The following ETFDH variants were observed in gnomAD, a reference collection of about 807,000 sequenced individuals.
ETFDH encodes the protein electron transfer flavoprotein-ubiquinone oxidoreductase, mitochondrial.
In ETFDH, 61 loss-of-function variants were observed where a neutral mutation model predicts 73.2. The ratio of observed to expected loss-of-function variants is 0.83; its 90% CI spans 0.68 to 1.03. The LOEUF is 1.03. Ranked by LOEUF, ETFDH falls within the 50% of genes least tolerant of loss-of-function variation. The pLI is 0.00. For missense variants in ETFDH, 685 were observed against 745.0 expected, an observed-to-expected ratio of 0.92 and a Z score of 0.94; for synonymous variants, 243 against 253.3, an observed-to-expected ratio of 0.96 and a Z score of 0.39.
At chr4:158,680,400 T>C (rs1773819951) in intron 1 of ETFDH, 67 bp from the exon 2 acceptor site, 2 of 1,126,246 alleles carry the variant, frequency 1.8e-6, no homozygotes, top group Admixed American at 1.7e-5. Flanking sequence ...CATTCACTTA[T>C]ATTTTTTCAG....
intron 5 of ETFDH, among the ~76,000 whole-genome samples, chr4:158,688,904 GT>G (rs1235620726): frequency 6.6e-6 from 1 of 151,886 alleles, no homozygotes; most frequent in Non-Finnish European, 1.5e-5. Flanking sequence ...TTTGTTGTTG[GT>G]TTTTTTGTTT....
chr4:158,696,317 G>T (rs1042081894), intron 7 of ETFDH, among the ~76,000 whole-genome samples: 4 of 152,228 alleles, frequency 2.6e-5, no homozygotes, highest in African/African-American at 9.6e-5. Context: ...ACCTGCCTGG[G>T]CAATGTAGTG....
At chr4:158,698,837 T>C in intron 8 of ETFDH, 150 bp from the exon 9 acceptor site, 2 of 581,824 alleles carry the variant, frequency 3.4e-6, no homozygotes, top group Non-Finnish European at 6.1e-6. Context: ...CAATTTTTAA[T>C]TTACATTTGG....
Position 158,684,661 on chromosome 4 carries a change from C to T in ETFDH, c.475C>T (p.Pro159Ser). 1.3e-6 allele frequency: 2 copies of T among 1,538,076 alleles called. No individual in the cohort carries two copies. Among genetic ancestry groups the T allele is most frequent in the Non-Finnish European group, 1.8e-6 (2 of 1,110,764 alleles). Residue 159 changes from proline to serine, a missense_variant, in exon 4 of 13, where the codon CCA (proline) becomes TCA (serine). By Grantham distance (74) the Pro-to-Ser change is moderately conservative. Around this residue, in one of 3 missense-constraint regions of ETFDH, gnomAD observed 405 missense variants for 399.3 expected, o/e 1.01. Coordinates refer to ENST00000511912, the MANE Select transcript of ETFDH (RefSeq NM_004453.4). The part of the protein sequence containing the change: ...ILTEKYRIPV[P>S]ILPGLPMNNH... ...AACAGAGAAATACAGAATTCCTGTG[C>T]CAATTCTTCCAGGTAAGGTATAGTG...
At chr4:158,689,802 A>T (rs1461536721) in intron 5 of ETFDH, among the ~76,000 whole-genome samples, 5 of 151,364 alleles carry the variant, frequency 3.3e-5, no homozygotes, top group Non-Finnish European at 1.5e-5. Flanking sequence ...GTTACAGACT[A>T]TTGCTATTTC....
chr4:158,707,999 G>C (rs4690909), intron 12 of ETFDH, among the ~76,000 whole-genome samples: 84,512 of 152,122 alleles, frequency 0.56, 28,397 homozygotes, highest in East Asian at 0.82. Context: ...GACTGACAAT[G>C]TAAGTTGAGT....
chr4:158,696,783 G>A (rs542835146), intron 7 of ETFDH, among the ~76,000 whole-genome samples: 6 of 152,134 alleles, frequency 3.9e-5, no homozygotes, highest in Non-Finnish European at 8.8e-5. Flanking sequence ...CTTTGTTGGA[G>A]AATACATGTC....
chr4:158,684,447 A>G, intron 3 of ETFDH, 145 bp from the exon 4 acceptor site: 2 of 579,854 alleles, frequency 3.4e-6, no homozygotes, highest in Non-Finnish European at 3.1e-6. Context: ...ATTCACAGTG[A>G]CAAGTTTTAT....
Position 158,706,445 on chromosome 4 carries a change from AT to A in ETFDH, c.1468+76del, listed in dbSNP as rs534545937. ...TGGGATCTGTTAATTAGAGAAAGTG[AT>A]TGTTTTAATGTTTTCAACTTGGAGA... On this transcript the variant is annotated intron_variant, in intron 11 of 12. Coordinates refer to ENST00000511912, the MANE Select transcript of ETFDH (RefSeq NM_004453.4). 7.0e-5 allele frequency: 90 copies of A among 1,289,616 alleles called. No homozygotes were observed. In the African/African-American group the frequency reaches 1.1e-3, roughly 16 times the overall value. 79.9% of individuals were successfully genotyped at this position (1,289,616 alleles called of 1,614,324 possible). A position where few individuals can be genotyped will look rare whatever the true frequency, so the allele number is the denominator to read the frequency against.
In ETFDH at chr4:158,672,420, C is replaced by T. The variant is rs376540210; in HGVS notation, c.-37C>T. On this transcript the variant is annotated 5_prime_UTR_variant, in exon 1 of 13. Coordinates refer to ENST00000511912, the MANE Select transcript of ETFDH (RefSeq NM_004453.4). ...CCGCCGCGAGCAGCGGACAGTCCTC[C>T]TGTTGTGTCCGACCGAGAGTCCTGG... is the stretch of plus-strand genomic sequence containing the variant. 2 of 1,613,048 alleles carry T rather than the reference C, an allele frequency of 1.2e-6. No homozygotes were observed. Among genetic ancestry groups the T allele is most frequent in the South Asian group, 1.1e-5 (1 of 91,068 alleles).
intron 10 of ETFDH, among the ~76,000 whole-genome samples, chr4:158,705,394 T>C (rs891815516): frequency 9.2e-5 from 14 of 152,178 alleles, no homozygotes; most frequent in African/African-American, 2.9e-4. Flanking sequence ...ACCAGCCATA[T>C]TGGATTAGAG....
chr4:158,690,473 A>G, intron 6 of ETFDH, 48 bp downstream of exon 6: 2 of 1,100,718 alleles, frequency 1.8e-6, no homozygotes, highest in South Asian at 2.5e-5. Flanking sequence ...CAAACAACAG[A>G]AAGAACTGTG....
chr4:158,684,509 G>A, intron 3 of ETFDH, 83 bp from the exon 4 acceptor site: 1 of 794,350 alleles, frequency 1.3e-6, no homozygotes, highest in South Asian at 1.6e-5. Context: ...TGTCATCAGA[G>A]TACATTTTAT....
intron 1 of ETFDH, among the ~76,000 whole-genome samples, chr4:158,673,549 C>G (rs1471986725): frequency 1.3e-5 from 2 of 152,038 alleles, no homozygotes. Context: ...ATTCCAAATT[C>G]AAGGATATTC....
intron 1 of ETFDH, 100 bp downstream of exon 1, chr4:158,672,590 A>G (rs945981845): frequency 8.2e-7 from 1 of 1,223,360 alleles, no homozygotes. Flanking sequence ...TTCTCTCATC[A>G]GCTTTCTCAG....
At chr4:158,689,454 G>C (rs1029109165) in intron 5 of ETFDH, among the ~76,000 whole-genome samples, 1 of 150,830 alleles carries the variant, frequency 6.6e-6, no homozygotes, top group Non-Finnish European at 1.5e-5. Flanking sequence ...TCTTTTTCTC[G>C]GGTCCTTAAT....
chr4:158,680,267 T>C (rs1580394474), intron 1 of ETFDH, among the ~76,000 whole-genome samples, 200 bp from the exon 2 acceptor site: 1 of 152,020 alleles, frequency 6.6e-6, no homozygotes, highest in African/African-American at 2.4e-5. Context: ...CTAAATTGAA[T>C]AAATTTGCTT....
rs1774527195 is a variant in ETFDH at position 158,703,665 on chromosome 4, T to A, written c.1285+74T>A. On this transcript the variant is annotated intron_variant, in intron 10 of 12. Transcript: ENST00000511912. ...TGTATTTCAATTGACATTAAAAGAT[T>A]TGTATTGCATCTGTCACTTTATAGA... 1.1e-5 allele frequency: 10 copies of A among 886,876 alleles called. No individual in the cohort carries two copies. In the East Asian group the frequency reaches 2.4e-4, roughly 21 times the overall value. The allele number at this position is 886,876 out of a possible 1,614,324, so 54.9% of individuals were successfully genotyped here.
intron 1 of ETFDH, among the ~76,000 whole-genome samples, chr4:158,677,610 A>G (rs956289076): frequency 1.3e-5 from 2 of 152,238 alleles, no homozygotes; most frequent in African/African-American, 2.4e-5. Flanking sequence ...TTGGGGTACA[A>G]TACATTGATT....
Sources: allele counts gnomAD v4.1 joint callset (sites outside exome capture counted in the v4.1 genomes callset), GRCh38; gene constraint gnomAD v4.1.1; regional missense constraint gnomAD v4.1.1; transcripts MANE v1.5; gene names NCBI Gene and HGNC (gene_info 2026-07-23, HGNC 2026-07-21).